Variants in STX18 observed in about 807,000 individuals in gnomAD.
STX18 encodes the protein syntaxin 18.
A neutral mutation model predicts 50.1 loss-of-function variants in STX18; 40 were observed. That is an observed-to-expected ratio of 0.80 (90% CI 0.62 to 1.04). STX18 has a LOEUF of 1.04. STX18 is among the 50% of genes least tolerant of loss of function. The pLI is 0.00. For synonymous variants in STX18, 158 were observed against 151.8 expected (o/e 1.04, Z -0.30); for missense variants, 410 against 415.8 (o/e 0.99, Z 0.12).
At chr4:4,474,867 T>C (rs563872533) in intron 1 of STX18, among the ~76,000 whole-genome samples, 8 of 152,336 alleles carry the variant, frequency 5.3e-5, no homozygotes, top group South Asian at 4.1e-4. Context: ...ACTTGACTTA[T>C]AGAACTATAA....
Position 4,420,753 on chromosome 4 carries a change from G to T in STX18, c.912+111C>A. On this transcript the variant is annotated intron_variant, in intron 10 of 10. Coordinates refer to ENST00000306200, the MANE Select transcript of STX18 (RefSeq NM_016930.4). The surrounding 1 kb of genome is among the most constrained non-coding windows in gnomAD (Gnocchi z 4.3). ...GTCACACAATTTTGTGATCAGCCCCGTGAGCTCTGCCCAGCAAGGCTCCTG... is the reference window on the plus strand; with the variant it reads ...GTCACACAATTTTGTGATCAGCCCCTTGAGCTCTGCCCAGCAAGGCTCCTG... 1.0e-6 allele frequency: 1 copy of T among 984,002 alleles called. No individual in the cohort carries two copies. The allele number at this position is 984,002 out of a possible 1,614,324, so 61.0% of individuals were successfully genotyped here.
At chr4:4,520,878 TCCACATG>T (rs1730477550) in intron 1 of STX18, among the ~76,000 whole-genome samples, 1 of 152,224 alleles carries the variant, frequency 6.6e-6, no homozygotes, top group African/African-American at 2.4e-5. Context: ...ACATAAGATG[TCCACATG>T]TTTAAGACTT....
At chr4:4,489,334 C>T (rs1049044373) in intron 1 of STX18, among the ~76,000 whole-genome samples, 5 of 143,424 alleles carry the variant, frequency 3.5e-5, no homozygotes, top group Admixed American at 1.4e-4. Flanking sequence ...TCATTATGAT[C>T]GTCTTTGGAG....
At chr4:4,471,550 G>T (rs1727920654) in intron 2 of STX18, 89 bp downstream of exon 2, 2 of 880,186 alleles carry the variant, frequency 2.3e-6, no homozygotes, top group Non-Finnish European at 3.3e-6. Context: ...GAGTTATTAA[G>T]AAAAAGGTGA....
At chr4:4,491,883 A>G (rs1015346813) in intron 1 of STX18, among the ~76,000 whole-genome samples, 1 of 152,170 alleles carries the variant, frequency 6.6e-6, no homozygotes, top group African/African-American at 2.4e-5. Flanking sequence ...TAGCCATTAA[A>G]AAACTAAAAG....
At position 4,457,234 on chromosome 4, in the gene STX18, G is replaced by C. The variant is rs1396534917; in HGVS notation, c.454C>G (p.Gln152Glu). 3 of 1,614,002 alleles carry C rather than the reference G, an allele frequency of 1.9e-6. No homozygotes were observed. In the African/African-American group the frequency reaches 4.0e-5, roughly 22 times the overall value. ...LKRVCKLYSE[Q>E]RAIRVKRVVD... is the part of the protein sequence containing the mutation. ...ACTCTTTTAACTCGGATGGCTCTCT[G>C]TTCTGAGTAAAGTTTACATACTCCT... The change falls in exon 5 of 11, where the codon CAG (glutamine) becomes GAG (glutamate). Residue 152 changes from glutamine (Q) to glutamate (E), a missense_variant. Physicochemically the swap from Gln to Glu is conservative, Grantham distance 29. Coordinates refer to ENST00000306200, the MANE Select transcript of STX18 (RefSeq NM_016930.4).
At chr4:4,530,590 G>GA (rs1258757024) in intron 1 of STX18, among the ~76,000 whole-genome samples, 1 of 151,770 alleles carries the variant, frequency 6.6e-6, no homozygotes, top group Non-Finnish European at 1.5e-5. Flanking sequence ...AAGGCTTTGT[G>GA]AAAAAAAGAA....
chr4:4,487,810 G>A (rs1022643001), intron 1 of STX18, among the ~76,000 whole-genome samples: 2 of 152,060 alleles, frequency 1.3e-5, no homozygotes, highest in African/African-American at 4.8e-5. Flanking sequence ...TTTTTGTGTT[G>A]AAGAATTTTA....
Position 4,434,904 on chromosome 4 carries a change from G to A in STX18, c.614-46C>T, listed in dbSNP as rs748851517. 2.9e-6 allele frequency: 4 copies of A among 1,377,344 alleles called. No homozygotes were observed. In the South Asian group the frequency reaches 5.0e-5, roughly 17 times the overall value. The allele number at this position is 1,377,344 out of a possible 1,614,324, so 85.3% of individuals were successfully genotyped here. A position where few individuals can be genotyped will look rare whatever the true frequency, so the allele number is the denominator to read the frequency against. On this transcript the variant is annotated intron_variant, in intron 6 of 10. Transcript: ENST00000306200. Reference sequence around the variant, plus strand: ...AATAGAAGACCAAATATGTGTTTTAGAATAGGCTGGCTTAGGATGTAGTCA... The same window carrying A: ...AATAGAAGACCAAATATGTGTTTTAAAATAGGCTGGCTTAGGATGTAGTCA...
At chr4:4,535,249 G>A (rs755796966) in intron 1 of STX18, among the ~76,000 whole-genome samples, 5 of 152,144 alleles carry the variant, frequency 3.3e-5, no homozygotes, top group Non-Finnish European at 7.4e-5. Context: ...CACAATGCCT[G>A]ACACACCAGA....
intron 2 of STX18, among the ~76,000 whole-genome samples, 169 bp downstream of exon 2, chr4:4,471,470 G>A (rs28716118): frequency 0.073 from 11,125 of 152,240 alleles, 1,317 homozygotes; most frequent in African/African-American, 0.25. Flanking sequence ...TGAGGACATG[G>A]AGTACAGCAG....
intron 1 of STX18, among the ~76,000 whole-genome samples, chr4:4,486,448 T>C (rs1728703050): frequency 6.6e-6 from 1 of 152,262 alleles, no homozygotes; most frequent in Admixed American, 6.5e-5. Context: ...ACATTATAAA[T>C]GTTTTTGAGT....
intron 5 of STX18, 136 bp from the exon 6 acceptor site, chr4:4,438,645 C>T (rs1725920572): frequency 3.0e-6 from 2 of 657,280 alleles, no homozygotes; most frequent in Non-Finnish European, 5.2e-6. Context: ...CCTCTGGGCC[C>T]AGTGGCCATC....
chr4:4,453,538 G>A, intron 5 of STX18: 1 of 231,846 alleles, frequency 4.3e-6, no homozygotes, highest in Non-Finnish European at 7.1e-6. Flanking sequence ...TATAAACATA[G>A]CTTTTATATG....
chr4:4,497,138 G>A (rs968843213), intron 1 of STX18, among the ~76,000 whole-genome samples: 4 of 152,106 alleles, frequency 2.6e-5, no homozygotes, highest in African/African-American at 7.2e-5. Flanking sequence ...CTCCCCCTCC[G>A]GCTCCAGGGC....
At chr4:4,455,811 T>A (rs956555359) in intron 5 of STX18, among the ~76,000 whole-genome samples, 1 of 152,220 alleles carries the variant, frequency 6.6e-6, no homozygotes, top group Admixed American at 6.5e-5. Flanking sequence ...TCTTAGAAGC[T>A]CATGCCTGGT....
At chr4:4,533,782 C>T (rs1731209339) in intron 1 of STX18, among the ~76,000 whole-genome samples, 1 of 152,178 alleles carries the variant, frequency 6.6e-6, no homozygotes, top group African/African-American at 2.4e-5. Context: ...AGGTGAGACA[C>T]ATAATAATTG....
At chr4:4,452,590 G>A (rs1034319273) in intron 5 of STX18, among the ~76,000 whole-genome samples, 15 of 152,186 alleles carry the variant, frequency 9.9e-5, no homozygotes, top group Non-Finnish European at 1.3e-4. Flanking sequence ...CCAGCTACTC[G>A]AGAGGCTAAG....
At chr4:4,513,451 G>A (rs1241740710) in intron 1 of STX18, among the ~76,000 whole-genome samples, 1 of 152,176 alleles carries the variant, frequency 6.6e-6, no homozygotes, top group Non-Finnish European at 1.5e-5. Context: ...GGAAAGGAAA[G>A]TGTGGGGGAT....
Sources: allele counts gnomAD v4.1 joint callset (sites outside exome capture counted in the v4.1 genomes callset), GRCh38; gene constraint gnomAD v4.1.1; non-coding constraint Gnocchi (gnomAD v3.1); transcripts MANE v1.5; gene names NCBI Gene and HGNC (gene_info 2026-07-23, HGNC 2026-07-21).